Variants in MKLN1 observed in about 807,000 individuals in gnomAD.
The protein encoded by MKLN1 is muskelin.
Under a neutral mutation model 99.0 loss-of-function variants are expected in MKLN1, and 18 were observed. The observed-to-expected ratio is 0.18, with a 90% CI of 0.13 to 0.27. The LOEUF is 0.27. Among genes scored for constraint, MKLN1 ranks in the 10% least tolerant of loss-of-function variants. MKLN1 has a pLI of 1.00. For synonymous variants in MKLN1, 288 were observed against 293.2 expected, an observed-to-expected ratio of 0.98 and a Z score of 0.18; for missense variants, 621 against 875.9, an observed-to-expected ratio of 0.71 and a Z score of 3.67.
rs1272422082 is a variant in MKLN1 at position 131,233,860 on chromosome 7, A to G, written c.-179+30886A>G. Among the ~76,000 whole-genome samples, 3 of 152,188 alleles carry G rather than the reference A, an allele frequency of 2.0e-5. No individual in the cohort carries two copies. The South Asian group carries it at 6.2e-4, about 32-fold the overall frequency. ...AGAAGCCACAAACATCATAGTAAAA[A>G]CACATACCAGAGTTATGTTTTTTCT... is the stretch of plus-strand genomic sequence containing the variant. On this transcript the variant is annotated intron_variant, in intron 3 of 7. Transcript: ENST00000416992.
chr7:131,113,504 T>G (rs1563219041), intron 1 of MKLN1, among the ~76,000 whole-genome samples: 1 of 152,094 alleles, frequency 6.6e-6, no homozygotes, highest in Admixed American at 6.5e-5. Flanking sequence ...AGGGGCATAG[T>G]GAACTGATCA....
At chr7:131,319,656 T>C (rs1362562383) in intron 3 of MKLN1, among the ~76,000 whole-genome samples, 1 of 152,140 alleles carries the variant, frequency 6.6e-6, no homozygotes, top group Non-Finnish European at 1.5e-5. Flanking sequence ...AGTCAACTTG[T>C]CTCTGTTTGC....
chr7:131,360,904 C>G (rs905743156), intron 1 of MKLN1, among the ~76,000 whole-genome samples: 6 of 152,092 alleles, frequency 3.9e-5, no homozygotes, highest in African/African-American at 1.4e-4. Flanking sequence ...GATAATTTCA[C>G]TGGATATAGA....
chr7:131,361,259 A>G (rs1800020079), intron 1 of MKLN1, among the ~76,000 whole-genome samples: 1 of 151,716 alleles, frequency 6.6e-6, no homozygotes, highest in Admixed American at 6.6e-5. Flanking sequence ...CTCATATTGC[A>G]GTTATGCATC....
chr7:131,202,146 C>CTTTTTTTTTTTTTTT (rs58800874), intron 2 of MKLN1, among the ~76,000 whole-genome samples: 14 of 60,270 alleles, frequency 2.3e-4, no homozygotes, highest in Non-Finnish European at 3.5e-4. Flanking sequence ...GCACTATTGA[C>CTTTTTTTTTTTTTTT]TTTTTTTTTT....
intron 3 of MKLN1, among the ~76,000 whole-genome samples, chr7:131,241,548 A>T (rs1232362123): frequency 5.3e-5 from 8 of 152,214 alleles, no homozygotes; most frequent in African/African-American, 1.9e-4. Flanking sequence ...CGCTACAAAA[A>T]TTTTTAAAAA....
chr7:131,446,948 T>G (rs971982601), intron 12 of MKLN1, among the ~76,000 whole-genome samples: 4 of 152,160 alleles, frequency 2.6e-5, no homozygotes, highest in African/African-American at 9.7e-5. Flanking sequence ...TCAATAGATA[T>G]GTTAAGCATT....
chr7:131,268,512 T>C (rs1424096310), intron 3 of MKLN1, among the ~76,000 whole-genome samples: 1 of 152,224 alleles, frequency 6.6e-6, no homozygotes, highest in Non-Finnish European at 1.5e-5. Flanking sequence ...TTTGATTCTA[T>C]GCAGTAATTC....
At position 131,354,503 on chromosome 7, in the gene MKLN1, AT is replaced by A. The variant is rs1013936464; in HGVS notation, c.99-20912del. Among the ~76,000 whole-genome samples the A allele has an allele frequency of 2.0e-4, 18 of 90,886 alleles. 1 individual carries two copies. Among genetic ancestry groups the A allele is most frequent in the East Asian group, 1.8e-3 (5 of 2,808 alleles). 59.6% of individuals were successfully genotyped at this position (90,886 alleles called of 152,430 possible). A position where few individuals can be genotyped will look rare whatever the true frequency, so the allele number is the denominator to read the frequency against. ...CGTTGCTGAACTCATTAGTCCTAGG[AT>A]TTTTTTTTGTGGGGGGGGGCGTAAA... On this transcript the variant is annotated intron_variant, in intron 1 of 17. Transcript: ENST00000352689.
intron 1 of MKLN1, among the ~76,000 whole-genome samples, chr7:131,127,935 A>G (rs1480668031): frequency 6.6e-6 from 1 of 152,212 alleles, no homozygotes; most frequent in Non-Finnish European, 1.5e-5. Context: ...ATGACAAGGA[A>G]TGGTCCGAAT....
At chr7:131,283,262 G>A (rs532534743) in intron 3 of MKLN1, among the ~76,000 whole-genome samples, 3 of 151,516 alleles carry the variant, frequency 2.0e-5, no homozygotes, top group South Asian at 2.1e-4. Context: ...AAATAATAAC[G>A]GCTTGCCATG....
intron 2 of MKLN1, among the ~76,000 whole-genome samples, chr7:131,377,323 A>G (rs1793694061): frequency 6.6e-6 from 1 of 152,166 alleles, no homozygotes. Flanking sequence ...CTGTTGGATC[A>G]TGTTCTCCTC....
intron 1 of MKLN1, among the ~76,000 whole-genome samples, chr7:131,340,051 C>T (rs1466855996): frequency 2.0e-5 from 3 of 152,042 alleles, no homozygotes; most frequent in Admixed American, 2.0e-4. Context: ...CTTCCTGTCA[C>T]TGTCCTCTTT....
intron 3 of MKLN1, among the ~76,000 whole-genome samples, chr7:131,279,878 C>A (rs534908526): frequency 3.3e-5 from 5 of 151,956 alleles, no homozygotes; most frequent in Non-Finnish European, 7.4e-5. Flanking sequence ...ATTGTGCAAC[C>A]ATCACAACTA....
intron 1 of MKLN1, among the ~76,000 whole-genome samples, chr7:131,130,405 T>G (rs998233541): frequency 2.0e-5 from 3 of 152,316 alleles, no homozygotes; most frequent in Middle Eastern, 6.8e-3. Flanking sequence ...TCCAAACCAC[T>G]CTCATTTCCT....
intron 1 of MKLN1, 50 bp downstream of exon 1, chr7:131,328,047 C>T: frequency 6.3e-7 from 1 of 1,590,356 alleles, no homozygotes; most frequent in Non-Finnish European, 8.5e-7. Flanking sequence ...CGCGTCAGCA[C>T]GGTTGGGCCA....
chr7:131,165,935 C>T (rs901684512), intron 2 of MKLN1, among the ~76,000 whole-genome samples: 9 of 152,016 alleles, frequency 5.9e-5, no homozygotes, highest in Non-Finnish European at 1.2e-4. Context: ...GGCAACATGG[C>T]GAAACCCCAT....
intron 6 of MKLN1, among the ~76,000 whole-genome samples, chr7:131,407,883 G>A (rs539278201): frequency 6.6e-6 from 1 of 151,876 alleles, no homozygotes; most frequent in Admixed American, 6.6e-5. Flanking sequence ...TTGCCTTGGT[G>A]CTGTATTTCT....
chr7:131,423,521 AG>A (rs1795265899), intron 8 of MKLN1, among the ~76,000 whole-genome samples: 1 of 152,044 alleles, frequency 6.6e-6, no homozygotes, highest in Non-Finnish European at 1.5e-5. Context: ...CAGTAGAGCC[AG>A]GCTTTCTCCA....
Sources: gnomAD v4.1 joint callset for allele counts (sites outside exome capture counted in the v4.1 genomes callset) on GRCh38, gnomAD v4.1.1 for gene constraint, MANE v1.5 for transcripts, NCBI Gene and HGNC (gene_info 2026-07-23, HGNC 2026-07-21) for gene names.